The following ILDR1 variants were observed in gnomAD, a reference collection of about 807,000 sequenced individuals.
ILDR1 encodes the protein immunoglobulin like domain containing receptor 1.
In ILDR1, 56 loss-of-function variants were observed where a neutral mutation model predicts 62.4. The ratio of observed to expected loss-of-function variants is 0.90; its 90% CI spans 0.72 to 1.12. ILDR1 has a LOEUF of 1.12. Among genes scored for constraint, ILDR1 ranks in the 50% most tolerant of loss-of-function variants. The pLI, the probability that ILDR1 is intolerant of heterozygous loss-of-function variation, is 0.00. For synonymous variants in ILDR1, 284 were observed against 277.8 expected, an observed-to-expected ratio of 1.02 and a Z score of -0.22; for missense variants, 736 against 710.6, an observed-to-expected ratio of 1.04 and a Z score of -0.41.
chr3:121,989,862 T>A (rs1361710254), intron 7 of ILDR1, among the ~76,000 whole-genome samples: 1 of 120,018 alleles, frequency 8.3e-6, no homozygotes, highest in Non-Finnish European at 1.9e-5. Flanking sequence ...TGTCAATATC[T>A]ATTTGTCAAA....
At chr3:121,991,476 G>T (rs1200025513) in intron 7 of ILDR1, among the ~76,000 whole-genome samples, 1 of 152,174 alleles carries the variant, frequency 6.6e-6, no homozygotes, top group East Asian at 1.9e-4. Flanking sequence ...CTTTCAGGAC[G>T]TAATTTTCTT....
chr3:122,059,075 T>A, the ILDR1 span, among the ~76,000 whole-genome samples: 1 of 152,096 alleles, frequency 6.6e-6, no homozygotes, highest in African/African-American at 2.4e-5. Flanking sequence ...GAATTCCTTC[T>A]CTAACATGTT....
intron 2 of ILDR1, among the ~76,000 whole-genome samples, chr3:122,006,469 C>A (rs2071611471): frequency 6.6e-6 from 1 of 152,108 alleles, no homozygotes. Flanking sequence ...TAAGAGACTT[C>A]CCACAGTTAA....
At chr3:122,005,219 C>G (rs1322589721) in intron 3 of ILDR1, 25 bp downstream of exon 3, 62 of 769,058 alleles carry the variant, frequency 8.1e-5, no homozygotes, top group Non-Finnish European at 1.1e-4. Context: ...ACCCCCAGTT[C>G]CCCTGACACC....
At chr3:122,032,412 A>G in the ILDR1 span, among the ~76,000 whole-genome samples, 1 of 152,224 alleles carries the variant, frequency 6.6e-6, no homozygotes, top group African/African-American at 2.4e-5. Context: ...ATTATGAATA[A>G]TGATGCTATA....
the ILDR1 span, among the ~76,000 whole-genome samples, chr3:122,050,407 A>T: frequency 6.7e-6 from 1 of 148,908 alleles, no homozygotes; most frequent in Non-Finnish European, 1.5e-5. Context: ...TACCTTTCTT[A>T]CTTTCTTTTG....
At chr3:122,050,917 G>T in the ILDR1 span, among the ~76,000 whole-genome samples, 2 of 152,070 alleles carry the variant, frequency 1.3e-5, no homozygotes, top group Non-Finnish European at 2.9e-5. Flanking sequence ...GAGTATTCTT[G>T]GTTGGCTGGT....
At chr3:122,023,138 T>C (rs1238619890), upstream of ILDR1, among the ~76,000 whole-genome samples, 1 of 151,202 alleles carries the variant, frequency 6.6e-6, no homozygotes, top group Non-Finnish European at 1.5e-5. Flanking sequence ...TTATTTATTC[T>C]AATATTCTAA....
chr3:122,039,604 C>T, the ILDR1 span, among the ~76,000 whole-genome samples: 1 of 151,788 alleles, frequency 6.6e-6, no homozygotes. Flanking sequence ...AAATTCATTG[C>T]CAGCAGACAT....
At chr3:122,000,048 GA>G (rs111508537) in intron 5 of ILDR1, among the ~76,000 whole-genome samples, 34,075 of 144,832 alleles carry the variant, frequency 0.24, 4,042 homozygotes, top group South Asian at 0.32. Flanking sequence ...GAACCTCTTT[GA>G]AAAAAAAAAA....
chr3:122,010,372 A>C (rs2071685915), intron 1 of ILDR1, among the ~76,000 whole-genome samples: 1 of 152,220 alleles, frequency 6.6e-6, no homozygotes, highest in African/African-American at 2.4e-5. Context: ...TGGTGTTTTT[A>C]GGAAGATAGA....
the ILDR1 span, among the ~76,000 whole-genome samples, chr3:122,056,228 T>C: frequency 6.6e-6 from 1 of 152,288 alleles, no homozygotes; most frequent in African/African-American, 2.4e-5. Context: ...GCCCGCTTCG[T>C]GGTGCGCCAG....
chr3:122,009,882 A>C (rs920528145), intron 1 of ILDR1, among the ~76,000 whole-genome samples: 27 of 152,238 alleles, frequency 1.8e-4, no homozygotes, highest in African/African-American at 6.0e-4. Context: ...AGACAGCAGA[A>C]TGCTGCTCAG....
intron 1 of ILDR1, among the ~76,000 whole-genome samples, chr3:122,013,873 C>A (rs942134507): frequency 6.6e-6 from 1 of 152,134 alleles, no homozygotes; most frequent in South Asian, 2.1e-4. Context: ...TGAGCACTTA[C>A]TATGTTGTTT....
chr3:122,054,906 G>A, the ILDR1 span, among the ~76,000 whole-genome samples: 3 of 151,930 alleles, frequency 2.0e-5, no homozygotes, highest in Admixed American at 6.6e-5. Flanking sequence ...GCCCTCCTTG[G>A]TTATGCAGTC....
intron 3 of ILDR1, among the ~76,000 whole-genome samples, chr3:122,003,158 C>T (rs543831107): frequency 2.0e-5 from 3 of 152,204 alleles, no homozygotes; most frequent in African/African-American, 2.4e-5. Flanking sequence ...CCAGCTCCCC[C>T]ACCCACAGTA....
chr3:122,046,397 T>G, the ILDR1 span, among the ~76,000 whole-genome samples: 1 of 150,634 alleles, frequency 6.6e-6, no homozygotes, highest in South Asian at 2.2e-4. Context: ...ATTATGTGTC[T>G]TGGAGTTGTT....
chr3:122,022,812 CTGAGGCCCGAGAGTTACT>C (rs1220188640), upstream of ILDR1, among the ~76,000 whole-genome samples: 5 of 152,098 alleles, frequency 3.3e-5, no homozygotes, highest in Non-Finnish European at 7.4e-5. Flanking sequence ...ACTCGGGACG[CTGAGGCCCGAGAGTTACT>C]TGAACCTGGG....
At chr3:122,060,597 G>C in the ILDR1 span, among the ~76,000 whole-genome samples, 2 of 151,824 alleles carry the variant, frequency 1.3e-5, no homozygotes, top group Admixed American at 6.6e-5. Context: ...AGACCAGTCT[G>C]AGCAACATAG....
Sources: allele counts gnomAD v4.1 joint callset (sites outside exome capture counted in the v4.1 genomes callset), GRCh38; gene constraint gnomAD v4.1.1; transcripts MANE v1.5; gene names NCBI Gene and HGNC (gene_info 2026-07-23, HGNC 2026-07-21).